Variants in GPR137C observed in about 807,000 individuals in gnomAD.
GPR137C encodes G protein-coupled receptor 137C.
A neutral mutation model predicts 43.4 loss-of-function variants in GPR137C; 27 were observed. That is an observed-to-expected ratio of 0.62 (90% CI 0.46 to 0.86). The LOEUF (loss-of-function observed/expected upper bound fraction) is 0.86. Ranked by LOEUF, GPR137C falls within the 40% of genes least tolerant of loss-of-function variation. The pLI, the probability that GPR137C is intolerant of heterozygous loss-of-function variation, is 0.00. For synonymous variants in GPR137C, 285 were observed against 226.9 expected (o/e 1.26, Z -2.30); for missense variants, 522 against 534.6 (o/e 0.98, Z 0.23).
chr14:52,564,051 A>G (rs907810424), intron 1 of GPR137C, among the ~76,000 whole-genome samples: 1 of 152,108 alleles, frequency 6.6e-6, no homozygotes, highest in Non-Finnish European at 1.5e-5. Flanking sequence ...CAAGGCAGGC[A>G]GATCACGAGG....
intron 1 of GPR137C, among the ~76,000 whole-genome samples, chr14:52,564,244 C>T (rs1211718728): frequency 1.4e-5 from 2 of 146,020 alleles, no homozygotes; most frequent in Non-Finnish European, 3.0e-5. Context: ...CACTGCACTC[C>T]ACCCTGGGCA....
At chr14:52,572,811 A>G (rs1473599686) in intron 1 of GPR137C, among the ~76,000 whole-genome samples, 1 of 152,176 alleles carries the variant, frequency 6.6e-6, no homozygotes, top group Non-Finnish European at 1.5e-5. Flanking sequence ...CAAATTGTAT[A>G]TGTTTGCAGA....
At chr14:52,567,287 T>G (rs931876622) in intron 1 of GPR137C, among the ~76,000 whole-genome samples, 3 of 152,164 alleles carry the variant, frequency 2.0e-5, no homozygotes, top group African/African-American at 4.8e-5. Flanking sequence ...AATAATACTT[T>G]AAATAGCAGA....
At chr14:52,577,180 C>T (rs1290636204) in intron 1 of GPR137C, among the ~76,000 whole-genome samples, 2 of 69,884 alleles carry the variant, frequency 2.9e-5, no homozygotes, top group Non-Finnish European at 4.7e-5. Context: ...GAGTAAGACT[C>T]CTCAAAAAAA....
At position 52,600,175 on chromosome 14, in the gene GPR137C, G is replaced by A; in HGVS notation, c.551G>A (p.Cys184Tyr). The A allele has an allele frequency of 6.2e-7, 1 of 1,613,866 alleles. No homozygotes were observed. Among genetic ancestry groups the A allele is most frequent in the Admixed American group, 1.7e-5 (1 of 60,022 alleles). ...CTCTTTTTAGTGGTGAACTTGACTT[G>A]CGCAATGCTAGTTCATGGAGATGTC... ...SLLFLVVNLT[C>Y]AMLVHGDVPE... Residue 184 changes from cysteine to tyrosine, a missense_variant, in exon 3 of 7, where the codon TGC becomes TAC. By Grantham distance (194) the Cys-to-Tyr change is radical (BLOSUM62 -2). Transcript: ENST00000321662.
intron 1 of GPR137C, among the ~76,000 whole-genome samples, chr14:52,577,400 A>G (rs952209438): frequency 5.9e-5 from 9 of 151,944 alleles, no homozygotes; most frequent in Non-Finnish European, 1.0e-4. Flanking sequence ...TCAGATTAAC[A>G]CTAATGTTAC....
At chr14:52,572,153 A>G (rs1366820351) in intron 1 of GPR137C, among the ~76,000 whole-genome samples, 7 of 152,248 alleles carry the variant, frequency 4.6e-5, no homozygotes, top group East Asian at 1.9e-4. Context: ...TTCACAGCCA[A>G]ACTTTACCAG....
rs80339955 is a variant in GPR137C at position 52,614,207 on chromosome 14, A to T, written c.717+13866A>T. On this transcript the variant is annotated intron_variant, in intron 3 of 6. Transcript: ENST00000321662. ...ATGATCTCAGCTCCCCGCAGCCTCAACCTCCTGGGCTCAATCAGTCCTCCC... is the reference window on the plus strand; with the variant it reads ...ATGATCTCAGCTCCCCGCAGCCTCATCCTCCTGGGCTCAATCAGTCCTCCC... 8.8e-3 allele frequency among the ~76,000 whole-genome samples: 1,335 copies of T among 151,366 alleles called. 16 individuals carry two copies. Among genetic ancestry groups the T allele is most frequent in the African/African-American group, 0.031 (1,271 of 41,228 alleles).
At chr14:52,630,146 G>A (rs2039278031) in intron 3 of GPR137C, among the ~76,000 whole-genome samples, 1 of 152,106 alleles carries the variant, frequency 6.6e-6, no homozygotes, top group Non-Finnish European at 1.5e-5. Context: ...ATTGTTTTAT[G>A]TATGTAATTT....
chr14:52,619,503 AGTT>A (rs2039135596), intron 3 of GPR137C, among the ~76,000 whole-genome samples: 1 of 152,110 alleles, frequency 6.6e-6, no homozygotes, highest in Non-Finnish European at 1.5e-5. Context: ...TAGCTACTGC[AGTT>A]GTTGTACTGC....
chr14:52,579,464 T>G (rs1482921490), intron 1 of GPR137C, among the ~76,000 whole-genome samples: 2 of 152,214 alleles, frequency 1.3e-5, no homozygotes, highest in African/African-American at 2.4e-5. Context: ...CTGATTCTCC[T>G]GGTACCTTTT....
intron 3 of GPR137C, chr14:52,611,956 G>T (rs920006974): frequency 1.0e-5 from 10 of 985,124 alleles, no homozygotes; most frequent in Non-Finnish European, 1.2e-5. Flanking sequence ...GAATAGGCTT[G>T]TTCTTACAAA....
In GPR137C at chr14:52,603,660, G is replaced by A. The variant is rs186793852; in HGVS notation, c.717+3319G>A. ...AGTAATTCTCCTGCCTCAGCCTCCC[G>A]AGTAGCTGGGATTACAGGTGCCTGA... is the stretch of plus-strand genomic sequence containing the variant. On this transcript the variant is annotated intron_variant, in intron 3 of 6. Transcript: ENST00000321662. Among the ~76,000 whole-genome samples, 31 of 151,948 alleles carry A rather than the reference G, an allele frequency of 2.0e-4. No homozygotes were observed. In the East Asian group the frequency reaches 2.9e-3, roughly 14 times the overall value.
At chr14:52,631,438 C>T (rs57856386) in intron 3 of GPR137C, among the ~76,000 whole-genome samples, 3,670 of 152,022 alleles carry the variant, frequency 0.024, 142 homozygotes, top group African/African-American at 0.084. Context: ...TTTTTTAATG[C>T]ATAAAATAAA....
intron 1 of GPR137C, among the ~76,000 whole-genome samples, chr14:52,596,088 G>A (rs1300196689): frequency 6.6e-6 from 1 of 152,172 alleles, no homozygotes; most frequent in East Asian, 1.9e-4. Flanking sequence ...TCAACTGTAG[G>A]TCTGTTGGAG....
At chr14:52,592,510 G>A (rs1216442811) in intron 1 of GPR137C, among the ~76,000 whole-genome samples, 1 of 152,228 alleles carries the variant, frequency 6.6e-6, no homozygotes, top group East Asian at 1.9e-4. Context: ...ATTTCATTGA[G>A]CAGTGGTTTG....
rs1294473588 is a variant in GPR137C, at chr14:52,636,580, G to A, written c.*1465G>A. ...TGTTATTTCCTCGCTTACTTAAAAT[G>A]TACTTCAACTTTTTAACAACTGATA... On this transcript the variant is annotated 3_prime_UTR_variant, in exon 7 of 7. Transcript: ENST00000321662. 1 of 152,080 alleles carries A rather than the reference G, an allele frequency of 6.6e-6. No individual in the cohort carries two copies. Among genetic ancestry groups the A allele is most frequent in the Non-Finnish European group, 1.5e-5 (1 of 67,974 alleles). 9.4% of individuals were successfully genotyped at this position (152,080 alleles called of 1,614,324 possible).
intron 1 of GPR137C, among the ~76,000 whole-genome samples, chr14:52,560,446 G>A (rs2038264663): frequency 6.6e-6 from 1 of 152,180 alleles, no homozygotes; most frequent in Admixed American, 6.5e-5. Context: ...GAGGGACTTA[G>A]TGTAGCTGAA....
chr14:52,586,672 T>G (rs1190984138), intron 1 of GPR137C, among the ~76,000 whole-genome samples: 1 of 152,222 alleles, frequency 6.6e-6, no homozygotes, highest in Admixed American at 6.5e-5. Flanking sequence ...ACTTTTTCCC[T>G]TAAGTGTATT....
Sources: gnomAD v4.1 joint callset for allele counts (sites outside exome capture counted in the v4.1 genomes callset) on GRCh38, gnomAD v4.1.1 for gene constraint, MANE v1.5 for transcripts, NCBI Gene and HGNC (gene_info 2026-07-23, HGNC 2026-07-21) for gene names.